Variants in LDLRAD4 observed in about 807,000 individuals in gnomAD.
LDLRAD4 encodes low density lipoprotein receptor class A domain containing 4, also known as low-density lipoprotein receptor class A domain-containing protein 4.
LDLRAD4 carries 5 observed loss-of-function variants against 17.0 expected under a neutral mutation model. The ratio of observed to expected loss-of-function variants is 0.29; its 90% CI spans 0.15 to 0.62. The LOEUF is 0.62. LDLRAD4 is among the 20% of genes least tolerant of loss of function. The pLI is 0.84. For missense variants in LDLRAD4, 340 were observed against 424.7 expected, an observed-to-expected ratio of 0.80 and a Z score of 1.75; for synonymous variants, 168 against 171.8, an observed-to-expected ratio of 0.98 and a Z score of 0.17.
At chr18:13,513,983 T>G (rs1026245071) in intron 3 of LDLRAD4, among the ~76,000 whole-genome samples, 1 of 152,240 alleles carries the variant, frequency 6.6e-6, no homozygotes, top group African/African-American at 2.4e-5. Context: ...TTCAGGGAAC[T>G]GGGGTGCTGG....
chr18:13,514,680 G>A (rs954445176), intron 3 of LDLRAD4: 1 of 152,246 alleles, frequency 6.6e-6, no homozygotes, highest in Non-Finnish European at 1.5e-5. Context: ...GCTTGGTCTT[G>A]TAACTTCCAC....
intron 3 of LDLRAD4, among the ~76,000 whole-genome samples, chr18:13,450,650 A>G (rs1247726261): frequency 3.9e-5 from 6 of 152,210 alleles, no homozygotes; most frequent in African/African-American, 9.6e-5. Flanking sequence ...TTTGCCTCCC[A>G]GCTTTGTTCT....
intron 1 of LDLRAD4, among the ~76,000 whole-genome samples, chr18:13,378,014 A>G (rs927118782): frequency 1.4e-4 from 22 of 152,204 alleles, no homozygotes; most frequent in Non-Finnish European, 3.1e-4. Flanking sequence ...TGCTTCATGA[A>G]AGCTCAGCTG....
intron 1 of LDLRAD4, among the ~76,000 whole-genome samples, chr18:13,347,284 C>T (rs887918184): frequency 6.6e-6 from 1 of 152,232 alleles, no homozygotes; most frequent in East Asian, 1.9e-4. Flanking sequence ...CAAAATCTCT[C>T]AGCATTTGCT....
At chr18:13,441,885 A>G (rs1383461429) in intron 3 of LDLRAD4, among the ~76,000 whole-genome samples, 1 of 152,100 alleles carries the variant, frequency 6.6e-6, no homozygotes, top group Non-Finnish European at 1.5e-5. Context: ...AGGCTGCTTT[A>G]TTCTGCTGAG....
chr18:13,424,591 C>T (rs963053949), intron 2 of LDLRAD4, among the ~76,000 whole-genome samples: 8 of 152,090 alleles, frequency 5.3e-5, no homozygotes, highest in Admixed American at 2.0e-4. Context: ...GGGGGATGCG[C>T]GGGTTGCCAT....
intron 1 of LDLRAD4, among the ~76,000 whole-genome samples, chr18:13,253,313 G>A (rs1186648348): frequency 6.6e-6 from 1 of 152,178 alleles, no homozygotes; most frequent in Non-Finnish European, 1.5e-5. Flanking sequence ...GGGAAGCTGG[G>A]CGCCACTGCT....
chr18:13,436,752 C>T (rs1417533707), intron 2 of LDLRAD4, among the ~76,000 whole-genome samples: 1 of 152,210 alleles, frequency 6.6e-6, no homozygotes, highest in African/African-American at 2.4e-5. Context: ...GCAGCACCCC[C>T]ACCACGTGGC....
intron 3 of LDLRAD4, among the ~76,000 whole-genome samples, chr18:13,580,130 CTCT>C (rs1248784982): frequency 1.3e-5 from 2 of 152,222 alleles, no homozygotes; most frequent in African/African-American, 4.8e-5. Flanking sequence ...CTCCAGGCTG[CTCT>C]TCTTGCTCCC....
intron 2 of LDLRAD4, among the ~76,000 whole-genome samples, chr18:13,402,211 C>G (rs1213560239): frequency 6.6e-6 from 1 of 152,164 alleles, no homozygotes; most frequent in Non-Finnish European, 1.5e-5. Context: ...TGTTTGTGCC[C>G]CTGGGTGAGT....
At chr18:13,598,209 G>A (rs1460316484) in intron 3 of LDLRAD4, among the ~76,000 whole-genome samples, 5 of 152,096 alleles carry the variant, frequency 3.3e-5, no homozygotes, top group Admixed American at 1.3e-4. Context: ...TAGTAGCTTC[G>A]TTGGACTATT....
chr18:13,467,225 C>G (rs897960319), intron 3 of LDLRAD4, among the ~76,000 whole-genome samples: 1 of 152,162 alleles, frequency 6.6e-6, no homozygotes, highest in East Asian at 1.9e-4. Context: ...TCAAAAATGA[C>G]ATGATCTTAT....
intron 1 of LDLRAD4, among the ~76,000 whole-genome samples, chr18:13,332,248 A>T (rs1201498246): frequency 6.6e-6 from 1 of 152,174 alleles, no homozygotes; most frequent in Admixed American, 6.5e-5. Flanking sequence ...GAATTTTTTA[A>T]AAGTATTTTT....
chr18:13,218,467 G>T (rs2041268900), upstream of LDLRAD4, among the ~76,000 whole-genome samples: 1 of 152,080 alleles, frequency 6.6e-6, no homozygotes, highest in East Asian at 1.9e-4. Flanking sequence ...GGATGGGCGC[G>T]CGGATGGCAG....
chr18:13,335,769 C>G (rs2082074730), intron 1 of LDLRAD4, among the ~76,000 whole-genome samples: 1 of 152,156 alleles, frequency 6.6e-6, no homozygotes, highest in Admixed American at 6.6e-5. Context: ...TTTTAAGTAT[C>G]TTGAAGCAGT....
At chr18:13,274,062 T>G (rs1292526960), upstream of LDLRAD4, among the ~76,000 whole-genome samples, 1 of 152,154 alleles carries the variant, frequency 6.6e-6, no homozygotes, top group Non-Finnish European at 1.5e-5. Context: ...GTGCCTTCTC[T>G]TCTCTCCTCA....
At chr18:13,500,570 G>T (rs189066438) in intron 3 of LDLRAD4, 1 of 152,294 alleles carries the variant, frequency 6.6e-6, no homozygotes, top group Non-Finnish European at 1.5e-5. Flanking sequence ...GTCCCTTTCG[G>T]CGGTCCTTTG....
chr18:13,626,652 C>T (rs2041195008), intron 4 of LDLRAD4, among the ~76,000 whole-genome samples: 1 of 152,262 alleles, frequency 6.6e-6, no homozygotes, highest in Admixed American at 6.5e-5. Context: ...TCAACTCCTA[C>T]AGGGATTAAA....
chr18:13,316,479 A>G (rs1000526806), intron 1 of LDLRAD4, among the ~76,000 whole-genome samples: 2 of 152,200 alleles, frequency 1.3e-5, no homozygotes, highest in African/African-American at 4.8e-5. Context: ...AGGCGGAAGG[A>G]TAAAGGGTCC....
Sources: allele counts gnomAD v4.1 joint callset (sites outside exome capture counted in the v4.1 genomes callset), GRCh38; gene constraint gnomAD v4.1.1; transcripts MANE v1.5; gene names NCBI Gene and HGNC (gene_info 2026-07-23, HGNC 2026-07-21).